Variants in STK32B observed in about 807,000 individuals in gnomAD.
The protein encoded by STK32B is serine/threonine-protein kinase 32B.
Under a neutral mutation model 52.6 loss-of-function variants are expected in STK32B, and 43 were observed. The observed-to-expected ratio is 0.82, with a 90% CI of 0.64 to 1.05. The LOEUF is 1.05. Ranked by LOEUF, STK32B falls within the 50% of genes least tolerant of loss-of-function variation. STK32B has a pLI of 0.00. For synonymous variants in STK32B, 238 were observed against 204.3 expected, an observed-to-expected ratio of 1.17 and a Z score of -1.41; for missense variants, 621 against 534.6, an observed-to-expected ratio of 1.16 and a Z score of -1.59.
chr4:5,352,359 A>G (rs1014253106), intron 4 of STK32B, among the ~76,000 whole-genome samples: 4 of 152,118 alleles, frequency 2.6e-5, no homozygotes, highest in African/African-American at 9.7e-5. Flanking sequence ...GATCATCTAA[A>G]TAGATGCAGG....
intron 11 of STK32B, among the ~76,000 whole-genome samples, chr4:5,486,053 C>A (rs1719171385): frequency 6.6e-6 from 1 of 152,154 alleles, no homozygotes; most frequent in African/African-American, 2.4e-5. Flanking sequence ...CTTGAGGAGG[C>A]AGTCTGTCCG....
intron 2 of STK32B, among the ~76,000 whole-genome samples, chr4:5,140,899 A>G (rs1716396224): frequency 1.3e-5 from 2 of 152,212 alleles, no homozygotes; most frequent in African/African-American, 4.8e-5. Flanking sequence ...TAGTGCTTAT[A>G]TTTAAAAAAT....
At chr4:5,221,886 T>G (rs116408667) in intron 3 of STK32B, among the ~76,000 whole-genome samples, 1,608 of 150,798 alleles carry the variant, frequency 0.011, 26 homozygotes, top group African/African-American at 0.036. Flanking sequence ...ATTCAGGTGT[T>G]GTTAATGATA....
At chr4:5,245,110 C>A (rs1221519996) in intron 3 of STK32B, among the ~76,000 whole-genome samples, 2 of 152,130 alleles carry the variant, frequency 1.3e-5, no homozygotes, top group South Asian at 2.1e-4. Flanking sequence ...GAGCTGAGTT[C>A]AATTCCTGGA....
chr4:5,361,579 G>T (rs1360868293), intron 4 of STK32B, among the ~76,000 whole-genome samples: 1 of 152,136 alleles, frequency 6.6e-6, no homozygotes, highest in Non-Finnish European at 1.5e-5. Flanking sequence ...TGCCCAGGCT[G>T]GTCTCAAACT....
At chr4:5,316,959 AATATATATAAT>A (rs1730947163) in intron 3 of STK32B, among the ~76,000 whole-genome samples, 1 of 25,610 alleles carries the variant, frequency 3.9e-5, no homozygotes, top group Non-Finnish European at 5.0e-5. Context: ...TGTATGATAT[AATATATATAAT>A]ATATATAATA....
chr4:5,437,996 G>C (rs1040348048), intron 6 of STK32B: 27 of 985,392 alleles, frequency 2.7e-5, no homozygotes, highest in Non-Finnish European at 3.3e-5. Context: ...TCGCTTGTCT[G>C]ATCATGACAG....
chr4:5,037,686 G>A, the STK32B span, among the ~76,000 whole-genome samples: 1 of 152,216 alleles, frequency 6.6e-6, no homozygotes, highest in Admixed American at 6.5e-5. Flanking sequence ...GTTAAAGTTG[G>A]TGAAGATAAA....
intron 1 of STK32B, among the ~76,000 whole-genome samples, chr4:5,081,888 T>C (rs1210109419): frequency 6.6e-6 from 1 of 152,246 alleles, no homozygotes; most frequent in East Asian, 1.9e-4. Flanking sequence ...TTCATTTCTT[T>C]GGGGTTGGTT....
chr4:5,166,695 T>A (rs1018543988), intron 2 of STK32B, among the ~76,000 whole-genome samples: 16 of 151,842 alleles, frequency 1.1e-4, no homozygotes, highest in African/African-American at 3.9e-4. Flanking sequence ...AGGACCCTGC[T>A]GACACCTTGG....
the STK32B span, among the ~76,000 whole-genome samples, chr4:5,042,593 C>T: frequency 6.6e-6 from 1 of 152,322 alleles, no homozygotes; most frequent in East Asian, 1.9e-4. Context: ...CCATGGCTCG[C>T]ATTTCTCGGG....
At chr4:5,287,927 C>T (rs1199515722) in intron 3 of STK32B, among the ~76,000 whole-genome samples, 1 of 152,170 alleles carries the variant, frequency 6.6e-6, no homozygotes, top group African/African-American at 2.4e-5. Context: ...TGATTCCCTG[C>T]TCCTCCTAGC....
intron 3 of STK32B, among the ~76,000 whole-genome samples, chr4:5,215,278 C>T (rs1179669132): frequency 2.0e-5 from 3 of 152,272 alleles, no homozygotes; most frequent in Non-Finnish European, 4.4e-5. Context: ...CTGCAATTCT[C>T]AACAGTTAGT....
chr4:5,050,467 C>A (rs1285315540), upstream of STK32B, among the ~76,000 whole-genome samples: 1 of 152,116 alleles, frequency 6.6e-6, no homozygotes. Context: ...GCTTCCCTCA[C>A]CCTTCTCCCA....
intron 3 of STK32B, among the ~76,000 whole-genome samples, chr4:5,290,434 A>C (rs1174744337): frequency 6.6e-6 from 1 of 152,158 alleles, no homozygotes; most frequent in African/African-American, 2.4e-5. Context: ...TTAAATACTA[A>C]GACACAAACA....
intron 11 of STK32B, among the ~76,000 whole-genome samples, chr4:5,484,211 G>C (rs1052754593): frequency 1.3e-5 from 2 of 152,138 alleles, no homozygotes; most frequent in Non-Finnish European, 2.9e-5. Flanking sequence ...CATTATTATT[G>C]TGTTGGTGTC....
At chr4:5,364,132 A>G (rs11727433) in intron 4 of STK32B, among the ~76,000 whole-genome samples, 49,374 of 152,048 alleles carry the variant, frequency 0.32, 10,511 homozygotes, top group African/African-American at 0.6. Flanking sequence ...ATGCCTTAGC[A>G]CTGTCATTCA....
intron 3 of STK32B, among the ~76,000 whole-genome samples, chr4:5,284,895 TGTG>T (rs753336671): frequency 2.0e-4 from 30 of 152,310 alleles, no homozygotes; most frequent in African/African-American, 7.2e-4. Context: ...AAGTGCCACT[TGTG>T]GTGCTAGAAA....
chr4:5,023,051 AAGAC>A, the STK32B span, among the ~76,000 whole-genome samples: 3 of 151,706 alleles, frequency 2.0e-5, no homozygotes, highest in African/African-American at 4.8e-5. Flanking sequence ...GTCTCTGTGA[AAGAC>A]AGAGAGTGAG....
Sources: gnomAD v4.1 joint callset for allele counts (sites outside exome capture counted in the v4.1 genomes callset) on GRCh38, gnomAD v4.1.1 for gene constraint, MANE v1.5 for transcripts, NCBI Gene and HGNC (gene_info 2026-07-23, HGNC 2026-07-21) for gene names.